Variants in GINS1 observed in about 807,000 individuals in gnomAD.
The protein encoded by GINS1 is GINS complex subunit 1.
Under a neutral mutation model 34.9 loss-of-function variants are expected in GINS1, and 26 were observed. That is an observed-to-expected ratio of 0.74 (90% CI 0.55 to 1.03). The LOEUF (loss-of-function observed/expected upper bound fraction) is 1.03. Among genes scored for constraint, GINS1 ranks in the 50% least tolerant of loss-of-function variants. The pLI, the probability that GINS1 is intolerant of heterozygous loss-of-function variation, is 0.00. For synonymous variants in GINS1, 97 were observed against 84.4 expected (o/e 1.15, Z -0.82); for missense variants, 235 against 237.9 (o/e 0.99, Z 0.08).
rs1568802527 is a variant in GINS1, at chr20:25,423,452, C to CTTTTCTTTTTTTTT, written c.331-1755_331-1754insCTTTTTTTTTTTTT. Among the ~76,000 whole-genome samples, 38 of 29,994 alleles carry CTTTTCTTTTTTTTT rather than the reference C, an allele frequency of 1.3e-3. 6 individuals carry two copies. The highest frequency in any genetic ancestry group is 9.3e-3 in the East Asian group (4 of 428). The allele number at this position is 29,994 out of a possible 152,430, so 19.7% of individuals were successfully genotyped here. On this transcript the variant is annotated intron_variant, in intron 4 of 6. Transcript: ENST00000262460. ...AAGGTTATTAAGATATTTTTCTTTT[C>CTTTTCTTTTTTTTT]TTTTTTTTTTTTTTTTTTTTTTTTT...
intron 4 of GINS1, among the ~76,000 whole-genome samples, chr20:25,423,592 C>T (rs1242807097): frequency 7.0e-6 from 1 of 142,438 alleles, no homozygotes; most frequent in Non-Finnish European, 1.5e-5. Context: ...CCTCAGCCTC[C>T]CAAGATATTT....
chr20:25,419,282 T>C (rs1235444857), intron 4 of GINS1, among the ~76,000 whole-genome samples: 1 of 151,730 alleles, frequency 6.6e-6, no homozygotes, highest in Non-Finnish European at 1.5e-5. Context: ...CAAACCACCA[T>C]GGCACATGTA....
intron 4 of GINS1, among the ~76,000 whole-genome samples, chr20:25,423,457 T>C (rs11087517): frequency 0.014 from 222 of 15,532 alleles, no homozygotes; most frequent in South Asian, 0.052. Context: ...CTTTTCTTTT[T>C]TTTTTTTTTT....
At position 25,440,829 on chromosome 20, in the gene GINS1, AAAAG is replaced by A. The variant is rs1421485023; in HGVS notation, c.448-865_448-862del. 3.1e-3 allele frequency among the ~76,000 whole-genome samples: 465 copies of A among 150,538 alleles called. 4 individuals are homozygous for A. Among genetic ancestry groups the A allele is most frequent in the African/African-American group, 0.011 (449 of 40,448 alleles). On this transcript the variant is annotated intron_variant, in intron 5 of 6. Transcript: ENST00000262460. ...CTGTCTCAAAAAAAAAAAAAAAAAA[AAAAG>A]AAAGAAAAAACAGCAAATGCAAAGG...
intron 4 of GINS1, among the ~76,000 whole-genome samples, chr20:25,421,980 T>C (rs77014282): frequency 6.6e-6 from 1 of 152,200 alleles, no homozygotes; most frequent in Non-Finnish European, 1.5e-5. Context: ...TTTTTATCCT[T>C]TATATTATAA....
At chr20:25,421,648 G>A (rs1257083417) in intron 4 of GINS1, among the ~76,000 whole-genome samples, 1 of 152,012 alleles carries the variant, frequency 6.6e-6, no homozygotes, top group Non-Finnish European at 1.5e-5. Context: ...AGTGAAAATA[G>A]GTATTTTTTT....
At chr20:25,415,064 C>T (rs956925969) in intron 2 of GINS1, among the ~76,000 whole-genome samples, 6 of 152,084 alleles carry the variant, frequency 3.9e-5, no homozygotes, top group Non-Finnish European at 5.9e-5. Context: ...TCTCAACTGT[C>T]TGTGACATGA....
At chr20:25,417,934 G>A (rs961268045) in intron 3 of GINS1, among the ~76,000 whole-genome samples, 171 bp from the exon 4 acceptor site, 1 of 152,208 alleles carries the variant, frequency 6.6e-6, no homozygotes, top group African/African-American at 2.4e-5. Context: ...GCTGTCACAC[G>A]TGGAGGAGTG....
chr20:25,419,370 G>A (rs2090341073), intron 4 of GINS1, among the ~76,000 whole-genome samples: 1 of 151,644 alleles, frequency 6.6e-6, no homozygotes, highest in African/African-American at 2.4e-5. Flanking sequence ...TATTCAATGT[G>A]TTTGCCATTA....
intron 1 of GINS1, chr20:25,408,976 C>T: frequency 1.0e-6 from 1 of 984,320 alleles, no homozygotes; most frequent in Non-Finnish European, 1.2e-6. Context: ...GGAGGTATAG[C>T]AAGGAGCACG....
rs576705242 is a variant in GINS1, at chr20:25,413,628, G to A, written c.76-162G>A. ...AATGTACGAGGGTTCCAGTTTCTCCGCATCTCACCAACACTTGTTATAACC... is the reference window on the plus strand; with the variant it reads ...AATGTACGAGGGTTCCAGTTTCTCCACATCTCACCAACACTTGTTATAACC... On this transcript the variant is annotated intron_variant, in intron 1 of 6. Coordinates refer to ENST00000262460, the MANE Select transcript of GINS1 (RefSeq NM_021067.5). 5.8e-5 allele frequency: 34 copies of A among 590,552 alleles called. 1 individual carries two copies. The highest frequency in any genetic ancestry group is 2.2e-4 in the South Asian group (11 of 49,132). The allele number at this position is 590,552 out of a possible 1,614,324, so 36.6% of individuals were successfully genotyped here. A position where few individuals can be genotyped will look rare whatever the true frequency, so the allele number is the denominator to read the frequency against.
At chr20:25,431,948 A>G (rs375271262) in intron 5 of GINS1, among the ~76,000 whole-genome samples, 11 of 150,522 alleles carry the variant, frequency 7.3e-5, no homozygotes, top group Admixed American at 4.0e-4. Flanking sequence ...GCTTACTGCA[A>G]CCTCCATTTC....
At chr20:25,435,675 G>T (rs1830976878) in intron 5 of GINS1, among the ~76,000 whole-genome samples, 1 of 141,896 alleles carries the variant, frequency 7.0e-6, no homozygotes, top group Non-Finnish European at 1.5e-5. Flanking sequence ...GGAGAATTGC[G>T]AATTGCTTGA....
chr20:25,445,520 T>G (rs952696700), intron 6 of GINS1, among the ~76,000 whole-genome samples: 39 of 152,176 alleles, frequency 2.6e-4, no homozygotes, highest in African/African-American at 9.4e-4. Context: ...CTAATTTTTT[T>G]GCATTTTTAG....
intron 4 of GINS1, among the ~76,000 whole-genome samples, chr20:25,422,607 C>G (rs1332492245): frequency 6.6e-6 from 1 of 152,010 alleles, no homozygotes; most frequent in Non-Finnish European, 1.5e-5. Context: ...AACAAAAAAA[C>G]TTGCCATTTA....
At chr20:25,442,378 A>C (rs566009785) in intron 6 of GINS1, among the ~76,000 whole-genome samples, 1 of 150,622 alleles carries the variant, frequency 6.6e-6, no homozygotes, top group Non-Finnish European at 1.5e-5. Flanking sequence ...CTGTCTATCT[A>C]TCTATCTATC....
Position 25,408,210 on chromosome 20 carries a change from G to A in GINS1, c.75+315G>A, listed in dbSNP as rs145884400. Among the ~76,000 whole-genome samples the A allele has an allele frequency of 3.0e-3, 461 of 152,268 alleles. 2 individuals are homozygous for A. The highest frequency in any genetic ancestry group is 5.5e-3 in the Non-Finnish European group (376 of 68,034). Reference sequence around the variant, plus strand: ...TTCTTGCTCACTCAGGCATCTAATCGTGGTCAGTAAAAGCTAGGCCTCTGG... The same window carrying A: ...TTCTTGCTCACTCAGGCATCTAATCATGGTCAGTAAAAGCTAGGCCTCTGG... On this transcript the variant is annotated intron_variant, in intron 1 of 6. Coordinates refer to ENST00000262460, the MANE Select transcript of GINS1 (RefSeq NM_021067.5).
rs761351287 is a variant in GINS1, at chr20:25,413,774, G to A, written c.76-16G>A. 2.6e-5 allele frequency: 39 copies of A among 1,479,452 alleles called. No homozygotes were observed. The highest frequency in any genetic ancestry group is 8.4e-5 in the Admixed American group (5 of 59,846). The allele number at this position is 1,479,452 out of a possible 1,614,324, so 91.6% of individuals were successfully genotyped here. On this transcript the variant is annotated splice_polypyrimidine_tract_variant and intron_variant, in intron 1 of 6. Coordinates refer to ENST00000262460, the MANE Select transcript of GINS1 (RefSeq NM_021067.5). ...GGGGAAATCAGTGGATTTCAATATC[G>A]GTTTATATGTTCTAGGAGGATGGAC...
intron 4 of GINS1, among the ~76,000 whole-genome samples, chr20:25,419,279 C>G (rs1192593792): frequency 1.3e-5 from 2 of 152,034 alleles, no homozygotes; most frequent in Non-Finnish European, 2.9e-5. Flanking sequence ...CAGCAAACCA[C>G]CATGGCACAT....
Sources: gnomAD v4.1 joint callset for allele counts (sites outside exome capture counted in the v4.1 genomes callset) on GRCh38, gnomAD v4.1.1 for gene constraint, MANE v1.5 for transcripts, NCBI Gene and HGNC (gene_info 2026-07-23, HGNC 2026-07-21) for gene names.